The following ARHGEF3 variants were observed in gnomAD, a reference collection of about 807,000 sequenced individuals.
ARHGEF3 encodes the protein Rho guanine nucleotide exchange factor 3, also known as 59.8 kDA protein.
ARHGEF3 carries 28 observed loss-of-function variants against 63.2 expected under a neutral mutation model. The observed-to-expected ratio is 0.44, with a 90% CI of 0.33 to 0.61. ARHGEF3 has a LOEUF of 0.61. Among genes scored for constraint, ARHGEF3 ranks in the 20% least tolerant of loss-of-function variants. The pLI is 0.03. For synonymous variants in ARHGEF3, 266 were observed against 254.2 expected, an observed-to-expected ratio of 1.05 and a Z score of -0.44; for missense variants, 533 against 659.3, an observed-to-expected ratio of 0.81 and a Z score of 2.10.
At chr3:57,000,348 A>C (rs1702146920) in intron 2 of ARHGEF3, among the ~76,000 whole-genome samples, 1 of 143,796 alleles carries the variant, frequency 7.0e-6, no homozygotes, top group Non-Finnish European at 1.6e-5. Context: ...ACACACCTTA[A>C]GCATCAGGCC....
At chr3:56,767,890 G>C (rs1021872543) in intron 2 of ARHGEF3, among the ~76,000 whole-genome samples, 1 of 151,868 alleles carries the variant, frequency 6.6e-6, no homozygotes, top group African/African-American at 2.4e-5. Flanking sequence ...GGGACAACAG[G>C]TATGCACCAC....
At chr3:56,941,843 T>C (rs1257491711) in intron 3 of ARHGEF3, among the ~76,000 whole-genome samples, 3 of 152,230 alleles carry the variant, frequency 2.0e-5, no homozygotes, top group Non-Finnish European at 2.9e-5. Flanking sequence ...TAATGTGCTT[T>C]TCTTTAGTTA....
At chr3:56,813,151 G>A (rs189605241) in intron 4 of ARHGEF3, among the ~76,000 whole-genome samples, 90 of 152,218 alleles carry the variant, frequency 5.9e-4, no homozygotes, top group Middle Eastern at 3.4e-3. Flanking sequence ...GAACAAAACA[G>A]GCTTTTAACA....
intron 4 of ARHGEF3, among the ~76,000 whole-genome samples, chr3:56,827,985 C>G (rs1559973477): frequency 7.0e-6 from 1 of 143,754 alleles, no homozygotes; most frequent in Middle Eastern, 3.5e-3. Context: ...ACCTTAACCT[C>G]AAGATCTTGC....
chr3:56,945,078 A>G (rs1699410291), intron 3 of ARHGEF3, among the ~76,000 whole-genome samples: 1 of 152,180 alleles, frequency 6.6e-6, no homozygotes, highest in Admixed American at 6.5e-5. Context: ...TCATGAAAGG[A>G]AAGAGTCAAT....
chr3:56,830,685 C>A (rs9843995), intron 4 of ARHGEF3, among the ~76,000 whole-genome samples: 1 of 152,192 alleles, frequency 6.6e-6, no homozygotes, highest in Admixed American at 6.5e-5. Flanking sequence ...TCTCAGCCCC[C>A]CTTTCCTGCT....
At position 56,900,428 on chromosome 3, in the gene ARHGEF3, C is replaced by T. The variant is rs908895919; in HGVS notation, c.130-18074G>A. On this transcript the variant is annotated intron_variant, in intron 3 of 12. Transcript: ENST00000338458. ...GGCGGGAGGATTCCTTGAAACCAGC[C>T]AGAGTTTAAGACCAGCCTGGGCAAC... is the stretch of plus-strand genomic sequence containing the variant. Among the ~76,000 whole-genome samples the T allele has an allele frequency of 3.3e-5, 5 of 152,260 alleles. No individual in the cohort carries two copies. The East Asian group carries it at 7.7e-4, about 24-fold the overall frequency.
chr3:57,053,867 T>C (rs757094593), intron 1 of ARHGEF3, among the ~76,000 whole-genome samples: 4 of 152,236 alleles, frequency 2.6e-5, no homozygotes, highest in Admixed American at 6.5e-5. Flanking sequence ...GTGTATCCCA[T>C]TGTATGGATA....
intron 3 of ARHGEF3, among the ~76,000 whole-genome samples, chr3:56,944,568 C>CTTTTTGTTTTTTTTTT: frequency 1.5e-5 from 1 of 65,834 alleles, no homozygotes; most frequent in Non-Finnish European, 2.7e-5. Context: ...AAAGTGGTTT[C>CTTTTTGTTTTTTTTTT]TTTTTTTTTT....
intron 1 of ARHGEF3, among the ~76,000 whole-genome samples, chr3:57,077,907 G>A (rs941720031): frequency 3.3e-5 from 5 of 152,136 alleles, no homozygotes; most frequent in South Asian, 2.1e-4. Context: ...TTCCCAGTGC[G>A]GAAGGGAACA....
intron 2 of ARHGEF3, among the ~76,000 whole-genome samples, chr3:56,772,226 C>T (rs1373562344): frequency 6.6e-6 from 1 of 152,118 alleles, no homozygotes; most frequent in African/African-American, 2.4e-5. Flanking sequence ...ACAGAGTTAA[C>T]AGAGGAACGG....
At position 56,773,754 on chromosome 3, in the gene ARHGEF3, C is replaced by A; in HGVS notation, c.159G>T (p.Pro53=). 1 of 1,596,750 alleles carries A rather than the reference C, an allele frequency of 6.3e-7. No individual in the cohort carries two copies. ...GCTTTAATGGCGTGGCCTTCACGGG[C>A]GGGATGAGGTTTGCTAGCGACGTGA... ...SRVTSLANLI[P]PVKATPLKRF... The change falls in exon 2 of 10, where the codon CCG becomes CCT. Residue 53 remains proline (P), a synonymous_variant. Transcript: ENST00000296315.
At chr3:56,934,858 G>C (rs1195947521) in intron 3 of ARHGEF3, among the ~76,000 whole-genome samples, 1 of 152,252 alleles carries the variant, frequency 6.6e-6, no homozygotes, top group African/African-American at 2.4e-5. Flanking sequence ...CGAGCACACG[G>C]CGCTGGACTG....
chr3:56,970,244 C>G (rs926115675), intron 2 of ARHGEF3, among the ~76,000 whole-genome samples: 6 of 151,966 alleles, frequency 3.9e-5, no homozygotes, highest in Admixed American at 1.3e-4. Flanking sequence ...GTGTATTCTA[C>G]TACAATTTTT....
intron 2 of ARHGEF3, among the ~76,000 whole-genome samples, chr3:56,974,295 T>C (rs1457489315): frequency 1.3e-5 from 2 of 152,254 alleles, no homozygotes; most frequent in Admixed American, 1.3e-4. Flanking sequence ...GAATATAATA[T>C]ACTAGTTATA....
intron 2 of ARHGEF3, among the ~76,000 whole-genome samples, chr3:56,980,198 G>A (rs1701273521): frequency 6.6e-6 from 1 of 152,186 alleles, no homozygotes; most frequent in Admixed American, 6.5e-5. Flanking sequence ...ACTTGCTTAT[G>A]CCACATTGTG....
chr3:56,924,057 T>C (rs2108374853), intron 3 of ARHGEF3, among the ~76,000 whole-genome samples: 1 of 152,220 alleles, frequency 6.6e-6, no homozygotes, highest in African/African-American at 2.4e-5. Flanking sequence ...CAATAAACTT[T>C]GCAACAAAAT....
intron 2 of ARHGEF3, among the ~76,000 whole-genome samples, chr3:56,771,511 G>C (rs1243508229): frequency 6.6e-6 from 1 of 152,238 alleles, no homozygotes; most frequent in Non-Finnish European, 1.5e-5. Flanking sequence ...ATGACAGAGA[G>C]TAAAGGGCCA....
intron 4 of ARHGEF3, among the ~76,000 whole-genome samples, chr3:56,866,174 A>C (rs2040242667): frequency 6.6e-6 from 1 of 152,044 alleles, no homozygotes; most frequent in Non-Finnish European, 1.5e-5. Context: ...CAAAACACAA[A>C]ACAAAACAAA....
Sources: allele counts gnomAD v4.1 joint callset (sites outside exome capture counted in the v4.1 genomes callset), GRCh38; gene constraint gnomAD v4.1.1; transcripts MANE v1.5; gene names NCBI Gene and HGNC (gene_info 2026-07-23, HGNC 2026-07-21).